The following STPG2 variants were observed in gnomAD, a reference collection of about 807,000 sequenced individuals.
The protein encoded by STPG2 is sperm-tail PG-rich repeat-containing protein 2.
Under a neutral mutation model 54.2 loss-of-function variants are expected in STPG2, and 56 were observed. The observed-to-expected ratio is 1.03, with a 90% CI of 0.83 to 1.29. The LOEUF (loss-of-function observed/expected upper bound fraction) is 1.29. Among genes scored for constraint, STPG2 ranks in the 50% most tolerant of loss-of-function variants. STPG2 has a pLI of 0.00. For synonymous variants in STPG2, 200 were observed against 181.8 expected, an observed-to-expected ratio of 1.10 and a Z score of -0.81; for missense variants, 596 against 544.9, an observed-to-expected ratio of 1.09 and a Z score of -0.93.
At chr4:97,970,826 A>C (rs1319847264) in intron 7 of STPG2, among the ~76,000 whole-genome samples, 1 of 152,250 alleles carries the variant, frequency 6.6e-6, no homozygotes, top group East Asian at 1.9e-4. Flanking sequence ...TAATTAAACT[A>C]AAGAGCTTCT....
chr4:97,523,796 A>C (rs566566003), intron 4 of STPG2, among the ~76,000 whole-genome samples: 16 of 152,130 alleles, frequency 1.1e-4, no homozygotes, highest in Admixed American at 3.9e-4. Context: ...TTTATTTAGC[A>C]CCTATTATGT....
intron 4 of STPG2, among the ~76,000 whole-genome samples, chr4:97,548,855 C>A (rs1014659502): frequency 1.3e-5 from 2 of 152,140 alleles, no homozygotes; most frequent in South Asian, 4.2e-4. Context: ...TCTGACATTG[C>A]GCTATACTTA....
chr4:97,622,638 C>G (rs1380650766), intron 10 of STPG2, among the ~76,000 whole-genome samples: 1 of 152,030 alleles, frequency 6.6e-6, no homozygotes, highest in Non-Finnish European at 1.5e-5. Context: ...AATGGAAAAA[C>G]ATTCCATGCT....
chr4:97,558,820 G>A, downstream of STPG2: 1 of 449,206 alleles, frequency 2.2e-6, no homozygotes, highest in Non-Finnish European at 4.0e-6. Flanking sequence ...AAATGTTGGG[G>A]TTAACTGTTA....
At chr4:97,954,874 A>G (rs1733613658) in intron 7 of STPG2, among the ~76,000 whole-genome samples, 1 of 152,168 alleles carries the variant, frequency 6.6e-6, no homozygotes, top group Non-Finnish European at 1.5e-5. Context: ...AATCAAGAGA[A>G]AAAAAACATA....
At chr4:97,666,068 C>T (rs1211768345) in intron 10 of STPG2, among the ~76,000 whole-genome samples, 2 of 152,120 alleles carry the variant, frequency 1.3e-5, no homozygotes, top group Admixed American at 1.3e-4. Flanking sequence ...GCAGTTGTAC[C>T]CAGAGGGCAG....
At chr4:97,556,740 C>T (rs186959302), downstream of STPG2, among the ~76,000 whole-genome samples, 1 of 152,100 alleles carries the variant, frequency 6.6e-6, no homozygotes, top group Non-Finnish European at 1.5e-5. Flanking sequence ...ATAATAATTT[C>T]TCTCCTATAT....
At chr4:97,724,160 G>T (rs1468470378) in intron 9 of STPG2, among the ~76,000 whole-genome samples, 2 of 151,948 alleles carry the variant, frequency 1.3e-5, no homozygotes, top group Non-Finnish European at 2.9e-5. Context: ...ATATAGATTT[G>T]CAGTGTGTCT....
chr4:97,466,204 T>C (rs1004212102), intron 4 of STPG2, among the ~76,000 whole-genome samples: 15 of 152,078 alleles, frequency 9.9e-5, no homozygotes, highest in African/African-American at 3.6e-4. Context: ...ATATCCAACT[T>C]GTAGCACCAA....
At chr4:98,045,102 G>GAA (rs35130632) in intron 5 of STPG2, among the ~76,000 whole-genome samples, 7 of 144,300 alleles carry the variant, frequency 4.9e-5, no homozygotes, top group African/African-American at 1.8e-4. Context: ...ACTTTAAAAG[G>GAA]AAAAAAAAAA....
At chr4:97,649,002 T>G (rs1226177750) in intron 10 of STPG2, among the ~76,000 whole-genome samples, 2 of 152,150 alleles carry the variant, frequency 1.3e-5, no homozygotes, top group Non-Finnish European at 2.9e-5. Context: ...TGTCTGATGA[T>G]AATTCAGAAC....
chr4:97,584,541 A>G (rs1467739762), intron 10 of STPG2, among the ~76,000 whole-genome samples: 3 of 152,114 alleles, frequency 2.0e-5, no homozygotes, highest in Admixed American at 1.3e-4. Flanking sequence ...TCAGAGCAGA[A>G]CTAAATGAAA....
intron 4 of STPG2, among the ~76,000 whole-genome samples, chr4:97,530,427 A>G (rs1731389125): frequency 6.6e-6 from 1 of 152,182 alleles, no homozygotes; most frequent in Non-Finnish European, 1.5e-5. Context: ...ATGAAAGCCA[A>G]TGCTTAGGTA....
intron 10 of STPG2, among the ~76,000 whole-genome samples, chr4:97,704,194 A>G (rs934970176): frequency 6.6e-6 from 1 of 152,106 alleles, no homozygotes; most frequent in Non-Finnish European, 1.5e-5. Context: ...GTATCCTTCA[A>G]TCCAATTAAG....
intron 5 of STPG2, among the ~76,000 whole-genome samples, chr4:98,068,094 A>T (rs149035976): frequency 6.6e-6 from 1 of 152,148 alleles, no homozygotes; most frequent in East Asian, 1.9e-4. Context: ...TTTTTGTATG[A>T]ACATCAAGTA....
chr4:97,784,026 C>T (rs1322611116), intron 9 of STPG2, among the ~76,000 whole-genome samples: 2 of 149,746 alleles, frequency 1.3e-5, no homozygotes, highest in Non-Finnish European at 3.0e-5. Context: ...ATGTAACAAA[C>T]CTGCACGTTG....
intron 5 of STPG2, among the ~76,000 whole-genome samples, chr4:98,090,096 T>C (rs1738642659): frequency 6.6e-6 from 1 of 152,164 alleles, no homozygotes; most frequent in Admixed American, 6.5e-5. Context: ...GCGTTTGCTT[T>C]TGGGGTCTTA....
In STPG2 at chr4:98,109,262, C is replaced by T. The variant is rs199930977; in HGVS notation, c.431G>A (p.Gly144Asp). 1.2e-4 allele frequency: 196 copies of T among 1,610,476 alleles called. No individual in the cohort carries two copies. The highest frequency in any genetic ancestry group is 1.6e-4 in the Non-Finnish European group (187 of 1,178,152). Residue 144 changes from glycine (G) to aspartate (D), a missense_variant, in exon 4 of 11, where the codon GGC becomes GAC. Gly to Asp is a moderately conservative substitution (Grantham distance 94). Coordinates refer to ENST00000295268, the MANE Select transcript of STPG2 (RefSeq NM_174952.3). Reference sequence around the variant, plus strand: ...TAACTCTTGTCTTCCTGAAGAGTTGCCAAAATGTATACCTTTGTATTTCAA... The same window carrying T: ...TAACTCTTGTCTTCCTGAAGAGTTGTCAAAATGTATACCTTTGTATTTCAA... ...ATLKYKGIHF[G>D]NSSGRQELPK...
At chr4:97,629,996 G>T (rs191021599) in intron 10 of STPG2, among the ~76,000 whole-genome samples, 1 of 151,916 alleles carries the variant, frequency 6.6e-6, no homozygotes, top group Non-Finnish European at 1.5e-5. Context: ...ACATTGAGTT[G>T]TTATTAAATA....
Sources: gnomAD v4.1 joint callset for allele counts (sites outside exome capture counted in the v4.1 genomes callset) on GRCh38, gnomAD v4.1.1 for gene constraint, MANE v1.5 for transcripts, NCBI Gene and HGNC (gene_info 2026-07-23, HGNC 2026-07-21) for gene names.